Variants in ANKFN1 observed in about 807,000 individuals in gnomAD.
ANKFN1 encodes ankyrin repeat and fibronectin type III domain containing 1.
In ANKFN1, 74 loss-of-function variants were observed where a neutral mutation model predicts 108.7. The observed-to-expected ratio is 0.68, with a 90% CI of 0.56 to 0.83. The LOEUF is 0.83. ANKFN1 is among the 40% of genes least tolerant of loss of function. ANKFN1 has a pLI of 0.00. For missense variants in ANKFN1, 1,505 were observed against 1,382.3 expected (o/e 1.09, Z -1.41); for synonymous variants, 547 against 516.2 (o/e 1.06, Z -0.81).
chr17:56,048,399 GTGTT>G (rs747153843), intron 4 of ANKFN1, among the ~76,000 whole-genome samples: 6 of 152,068 alleles, frequency 3.9e-5, no homozygotes, highest in Non-Finnish European at 8.8e-5. Context: ...TCTCTGAAAC[GTGTT>G]TCTATTTTCC....
intron 11 of ANKFN1, among the ~76,000 whole-genome samples, chr17:56,450,495 G>C (rs2049446871): frequency 6.6e-6 from 1 of 152,210 alleles, no homozygotes; most frequent in South Asian, 2.1e-4. Context: ...TATGCATGCA[G>C]TAGCTCTGAA....
chr17:56,396,930 T>C (rs914254014), intron 8 of ANKFN1, among the ~76,000 whole-genome samples: 2 of 152,144 alleles, frequency 1.3e-5, no homozygotes, highest in Non-Finnish European at 2.9e-5. Flanking sequence ...CCCATCTTGA[T>C]TTTTCTAGTT....
intron 8 of ANKFN1, among the ~76,000 whole-genome samples, chr17:56,393,699 G>A (rs7211037): frequency 0.058 from 8,871 of 152,268 alleles, 299 homozygotes; most frequent in African/African-American, 0.078. Context: ...TGTGCTATAC[G>A]TGATTTCTCC....
chr17:56,307,991 CATGAAGAGA>C lies in ANKFN1; in HGVS notation c.54-18228_54-18220del, dbSNP rs1417242866. Among the ~76,000 whole-genome samples the C allele has an allele frequency of 2.0e-5, 3 of 152,140 alleles. No homozygotes were observed. The East Asian group carries it at 5.8e-4, about 29-fold the overall frequency. ...ACTATCGCAAGGACAAAAAACCAAA[CATGAAGAGA>C]ACCGCATGTTCTCACTCATAGGTGG... On this transcript the variant is annotated intron_variant, in intron 3 of 20. Coordinates refer to ENST00000682825, the MANE Select transcript of ANKFN1 (RefSeq NM_001370326.1).
intron 14 of ANKFN1, among the ~76,000 whole-genome samples, chr17:56,464,296 G>T (rs986209399): frequency 6.6e-6 from 1 of 152,104 alleles, no homozygotes; most frequent in Non-Finnish European, 1.5e-5. Flanking sequence ...AAAGACCACC[G>T]TAGTCAATGT....
At chr17:56,385,722 G>T (rs539016172) in intron 8 of ANKFN1, among the ~76,000 whole-genome samples, 68 of 152,316 alleles carry the variant, frequency 4.5e-4, no homozygotes, top group African/African-American at 1.6e-3. Context: ...ATGAAAAAAT[G>T]CTCACCATCA....
Position 56,516,712 on chromosome 17 carries a change from A to AT in ANKFN1, c.*5444dup, listed in dbSNP as rs1402376553. Among the ~76,000 whole-genome samples the AT allele has an allele frequency of 3.9e-5, 6 of 152,210 alleles. No homozygotes were observed. The highest frequency in any genetic ancestry group is 1.2e-4 in the African/African-American group (5 of 41,446). On this transcript the variant is annotated 3_prime_UTR_variant, in exon 21 of 21. Coordinates refer to ENST00000682825, the MANE Select transcript of ANKFN1 (RefSeq NM_001370326.1). ...CCAATTTATAAGAGGTCAGGGATAAATGAGAATTAAGTTAATTTTTCTAAT... is the reference window on the plus strand; with the variant it reads ...CCAATTTATAAGAGGTCAGGGATAAATTGAGAATTAAGTTAATTTTTCTAAT...
chr17:56,286,811 G>A (rs767173279), intron 3 of ANKFN1, among the ~76,000 whole-genome samples: 17 of 152,010 alleles, frequency 1.1e-4, no homozygotes, highest in Non-Finnish European at 2.2e-4. Flanking sequence ...ATATGATATG[G>A]CATCTATACA....
At chr17:56,421,740 T>C (rs2048411330) in intron 8 of ANKFN1, among the ~76,000 whole-genome samples, 1 of 152,212 alleles carries the variant, frequency 6.6e-6, no homozygotes, top group Non-Finnish European at 1.5e-5. Context: ...CAAGGATTTT[T>C]CATATCATTA....
chr17:56,392,922 CT>C (rs2144885537), intron 8 of ANKFN1, among the ~76,000 whole-genome samples: 1 of 152,276 alleles, frequency 6.6e-6, no homozygotes, highest in African/African-American at 2.4e-5. Flanking sequence ...TCCCTGATGA[CT>C]TTCCACTGAT....
At chr17:56,433,905 G>A (rs2048845433) in intron 8 of ANKFN1, among the ~76,000 whole-genome samples, 1 of 151,754 alleles carries the variant, frequency 6.6e-6, no homozygotes, top group African/African-American at 2.4e-5. Context: ...ACTTTTTTAA[G>A]TCTCAGCCAG....
At position 56,480,719 on chromosome 17, in the gene ANKFN1, T is replaced by C; in HGVS notation, c.1992T>C (p.Ser664=). ...TTTCTGGCTCTGAATCTATGGAAAG[T>C]GTGGATCATACTTCTGACTGCCCCA... ...QKLSGSESME[S]VDHTSDCPMQ... Residue 664 remains serine, a synonymous_variant, in exon 17 of 21, where the codon AGT becomes AGC. Transcript: ENST00000682825. The C allele has an allele frequency of 6.2e-7, 1 of 1,614,040 alleles. No individual in the cohort carries two copies. Among genetic ancestry groups the C allele is most frequent in the South Asian group, 1.1e-5 (1 of 91,070 alleles).
At chr17:56,082,405 CT>C (rs1234831445) in intron 4 of ANKFN1, among the ~76,000 whole-genome samples, 5 of 150,956 alleles carry the variant, frequency 3.3e-5, no homozygotes, top group Non-Finnish European at 5.9e-5. Flanking sequence ...AGGAAACCTG[CT>C]GCATTTTTTT....
At chr17:56,419,753 TTATAGG>T (rs2048343597) in intron 8 of ANKFN1, among the ~76,000 whole-genome samples, 1 of 148,742 alleles carries the variant, frequency 6.7e-6, no homozygotes, top group Non-Finnish European at 1.5e-5. Flanking sequence ...AGCCCAGGAG[TTATAGG>T]TTACAATGAG....
At chr17:56,337,247 G>A (rs1222982889) in intron 4 of ANKFN1, among the ~76,000 whole-genome samples, 1 of 152,160 alleles carries the variant, frequency 6.6e-6, no homozygotes, top group East Asian at 1.9e-4. Context: ...ACTTCTTGCA[G>A]AGCTGAGTTC....
chr17:56,400,496 T>A lies in ANKFN1; in HGVS notation c.910+25782T>A, dbSNP rs186013666. 5.5e-3 allele frequency among the ~76,000 whole-genome samples: 834 copies of A among 152,326 alleles called. 6 individuals are homozygous for A. Among genetic ancestry groups the A allele is most frequent in the African/African-American group, 0.019 (788 of 41,582 alleles). On this transcript the variant is annotated intron_variant, in intron 8 of 20. Transcript: ENST00000682825. ...TTCTGGATATTAGTCCTTTGTCAGATGTATAGATTGTGAAGATTTTCTCTC... is the reference window on the plus strand; with the variant it reads ...TTCTGGATATTAGTCCTTTGTCAGAAGTATAGATTGTGAAGATTTTCTCTC...
intron 4 of ANKFN1, among the ~76,000 whole-genome samples, chr17:56,060,957 T>G (rs1387567431): frequency 6.6e-6 from 1 of 152,210 alleles, no homozygotes; most frequent in Non-Finnish European, 1.5e-5. Flanking sequence ...TAAAATGAGT[T>G]AGGGAGGAGT....
intron 4 of ANKFN1, among the ~76,000 whole-genome samples, chr17:56,074,323 A>G (rs1905156071): frequency 6.6e-6 from 1 of 152,162 alleles, no homozygotes; most frequent in Admixed American, 6.5e-5. Flanking sequence ...GGCTCCATTA[A>G]TGGTTCCTGT....
chr17:56,443,044 C>A, intron 10 of ANKFN1, 111 bp downstream of exon 10: 3 of 968,284 alleles, frequency 3.1e-6, no homozygotes, highest in Non-Finnish European at 4.7e-6. Context: ...CCCATAAGAC[C>A]TTCTCAGGGC....
Sources: gnomAD v4.1 joint callset for allele counts (sites outside exome capture counted in the v4.1 genomes callset) on GRCh38, gnomAD v4.1.1 for gene constraint, MANE v1.5 for transcripts, NCBI Gene and HGNC (gene_info 2026-07-23, HGNC 2026-07-21) for gene names.